The following RNF220 variants were observed in gnomAD, a reference collection of about 807,000 sequenced individuals.
The protein encoded by RNF220 is ring finger protein 220, also known as E3 ubiquitin-protein ligase RNF220.
In RNF220, 7 loss-of-function variants were observed where a neutral mutation model predicts 67.1. That is an observed-to-expected ratio of 0.10 (90% CI 0.06 to 0.20). RNF220 has a LOEUF of 0.20. RNF220 is among the 10% of genes least tolerant of loss of function. The pLI, the probability that RNF220 is intolerant of heterozygous loss-of-function variation, is 1.00. For synonymous variants in RNF220, 270 were observed against 283.2 expected, an observed-to-expected ratio of 0.95 and a Z score of 0.47; for missense variants, 565 against 740.3, an observed-to-expected ratio of 0.76 and a Z score of 2.75.
chr1:44,426,296 C>T lies in RNF220; in HGVS notation c.625+13574C>T, dbSNP rs149324089. Among the ~76,000 whole-genome samples, 1,459 of 152,222 alleles carry T rather than the reference C, an allele frequency of 9.6e-3. 10 individuals are homozygous for T. Among genetic ancestry groups the T allele is most frequent in the Middle Eastern group, 0.017 (5 of 294 alleles). ...TGCCCTAGAGATCTTTCCTAGGCTG[C>T]AAGAATAGCCATGCTTTATTGGCCA... On this transcript the variant is annotated intron_variant, in intron 2 of 14. Coordinates refer to ENST00000361799, the MANE Select transcript of RNF220 (RefSeq NM_018150.4).
intron 2 of RNF220, among the ~76,000 whole-genome samples, chr1:44,555,235 G>T (rs270769): frequency 0.99 from 151,072 of 152,196 alleles, 74,982 homozygotes; most frequent in Middle Eastern, 1. Flanking sequence ...GCCTAGCTAA[G>T]TTTTTGACAT....
Position 44,645,318 on chromosome 1 carries a change from T to C in RNF220, c.1366+42T>C. 1 of 1,612,536 alleles carries C rather than the reference T, an allele frequency of 6.2e-7. No individual in the cohort carries two copies. Among genetic ancestry groups the C allele is most frequent in the Non-Finnish European group, 8.5e-7 (1 of 1,179,326 alleles). On this transcript the variant is annotated intron_variant, in intron 11 of 14. Transcript: ENST00000361799. The surrounding 1 kb of genome is among the most constrained non-coding windows in gnomAD (Gnocchi z 5.0). Reference sequence around the variant, plus strand: ...GTTAGGAGTAATGGGGGAGAGGGGGTATCCCTAGATGGTGGTGACTGACTC... The same window carrying C: ...GTTAGGAGTAATGGGGGAGAGGGGGCATCCCTAGATGGTGGTGACTGACTC...
intron 2 of RNF220, among the ~76,000 whole-genome samples, chr1:44,453,286 TTCTTTTTCTTGTCTTATTGC>T (rs1652867499): frequency 6.6e-6 from 1 of 152,194 alleles, no homozygotes; most frequent in Non-Finnish European, 1.5e-5. Flanking sequence ...GTGATGGTCT[TTCTTTTTCTTGTCTTATTGC>T]ACTAGTTAGG....
At position 44,527,932 on chromosome 1, in the gene RNF220, A is replaced by C. The variant is rs926341364; in HGVS notation, c.626-86233A>C. Among the ~76,000 whole-genome samples the C allele has an allele frequency of 1.3e-3, 195 of 146,224 alleles. 4 individuals carry two copies. Among genetic ancestry groups the C allele is most frequent in the African/African-American group, 4.7e-3 (188 of 39,652 alleles). On this transcript the variant is annotated intron_variant, in intron 2 of 14. Coordinates refer to ENST00000361799, the MANE Select transcript of RNF220 (RefSeq NM_018150.4). ...CAGAGCAAGACTCCATCCCAAAAAAAAAAAAAAAAAAAAAAAAAAGTTAAA... is the reference window on the plus strand; with the variant it reads ...CAGAGCAAGACTCCATCCCAAAAAACAAAAAAAAAAAAAAAAAAAGTTAAA...
intron 2 of RNF220, among the ~76,000 whole-genome samples, chr1:44,481,034 G>A (rs1655756481): frequency 1.3e-5 from 2 of 152,166 alleles, no homozygotes; most frequent in South Asian, 4.1e-4. Context: ...GGAATGACAG[G>A]GCAAATTCAA....
At chr1:44,617,069 G>A (rs1240568088) in intron 3 of RNF220, among the ~76,000 whole-genome samples, 1 of 152,008 alleles carries the variant, frequency 6.6e-6, no homozygotes, top group Non-Finnish European at 1.5e-5. Flanking sequence ...TACCCCTCAC[G>A]TCGCGGCCCA....
chr1:44,420,023 C>A (rs180953882), intron 2 of RNF220, among the ~76,000 whole-genome samples: 2 of 152,300 alleles, frequency 1.3e-5, no homozygotes, highest in Non-Finnish European at 2.9e-5. Flanking sequence ...AAGTTTCCAC[C>A]TAGATCCTGG....
At chr1:44,503,435 G>A (rs993551267) in intron 2 of RNF220, among the ~76,000 whole-genome samples, 6 of 152,050 alleles carry the variant, frequency 3.9e-5, no homozygotes, top group Non-Finnish European at 5.9e-5. Context: ...CCAAATGCAG[G>A]CCAAGGGAAG....
At chr1:44,597,835 C>T (rs1287571170) in intron 2 of RNF220, among the ~76,000 whole-genome samples, 3 of 152,090 alleles carry the variant, frequency 2.0e-5, no homozygotes, top group South Asian at 2.1e-4. Flanking sequence ...CTCTTCCCGG[C>T]GCCCTTGTCT....
At chr1:44,434,550 T>TACA (rs1461665397) in intron 2 of RNF220, among the ~76,000 whole-genome samples, 2 of 151,680 alleles carry the variant, frequency 1.3e-5, no homozygotes, top group East Asian at 1.9e-4. Context: ...CTACTAAAAA[T>TACA]ACAACAACAA....
At position 44,583,432 on chromosome 1, in the gene RNF220, A is replaced by G. The variant is rs142138412; in HGVS notation, c.626-30733A>G. On this transcript the variant is annotated intron_variant, in intron 2 of 14. Coordinates refer to ENST00000361799, the MANE Select transcript of RNF220 (RefSeq NM_018150.4). ...TTAGCTTCATTTTCATAGCTGTTCAAACAGATACTAGAAATCTGTGCCCTC... is the reference window on the plus strand; with the variant it reads ...TTAGCTTCATTTTCATAGCTGTTCAGACAGATACTAGAAATCTGTGCCCTC... 2.7e-3 allele frequency among the ~76,000 whole-genome samples: 407 copies of G among 152,276 alleles called. 1 individual carries two copies. The highest frequency in any genetic ancestry group is 9.2e-3 in the African/African-American group (384 of 41,556).
intron 2 of RNF220, among the ~76,000 whole-genome samples, chr1:44,536,200 C>G (rs141363300): frequency 6.6e-6 from 1 of 152,162 alleles, no homozygotes; most frequent in Non-Finnish European, 1.5e-5. Flanking sequence ...TCCCAGAACA[C>G]TGAGTGGGTG....
In RNF220 at chr1:44,600,655, T is replaced by C. The variant is rs1271322242; in HGVS notation, c.626-13510T>C. 2.6e-5 allele frequency among the ~76,000 whole-genome samples: 4 copies of C among 152,086 alleles called. No homozygotes were observed. The highest frequency in any genetic ancestry group is 9.7e-5 in the African/African-American group (4 of 41,398). Reference sequence around the variant, plus strand: ...GGCCAACACGATGAAACTCCGTCTCTATTAAAAATACAAAAATTAGACAGA... The same window carrying C: ...GGCCAACACGATGAAACTCCGTCTCCATTAAAAATACAAAAATTAGACAGA... On this transcript the variant is annotated intron_variant, in intron 2 of 14. Coordinates refer to ENST00000361799, the MANE Select transcript of RNF220 (RefSeq NM_018150.4). The surrounding 1 kb of genome is among the most constrained non-coding windows in gnomAD (Gnocchi z 4.0).
chr1:44,502,552 T>C (rs1431833149), intron 2 of RNF220, among the ~76,000 whole-genome samples: 1 of 152,198 alleles, frequency 6.6e-6, no homozygotes, highest in Non-Finnish European at 1.5e-5. Context: ...TGTTAGACAT[T>C]GTGCCAGGCC....
chr1:44,486,536 A>G (rs370011043), intron 2 of RNF220, among the ~76,000 whole-genome samples: 7 of 152,336 alleles, frequency 4.6e-5, no homozygotes, highest in East Asian at 3.9e-4. Context: ...ACATTGATCT[A>G]TGGACCCAGG....
At chr1:44,428,999 TAAAGA>T (rs922740102) in intron 2 of RNF220, among the ~76,000 whole-genome samples, 1 of 129,712 alleles carries the variant, frequency 7.7e-6, no homozygotes, top group Non-Finnish European at 1.6e-5. Context: ...TGAAATTAAG[TAAAGA>T]ACTCTTCTTA....
chr1:44,508,786 G>A (rs1658679402), intron 2 of RNF220, among the ~76,000 whole-genome samples: 1 of 152,204 alleles, frequency 6.6e-6, no homozygotes, highest in Non-Finnish European at 1.5e-5. Context: ...CCCTCGTGGT[G>A]GAAAACTTCT....
chr1:44,448,072 A>G (rs10789449), intron 2 of RNF220, among the ~76,000 whole-genome samples: 107,897 of 152,092 alleles, frequency 0.71, 38,481 homozygotes, highest in East Asian at 0.81. Context: ...GCCAAGGTGG[A>G]CGGGTCACTT....
At chr1:44,563,740 A>G (rs1367685202) in intron 2 of RNF220, among the ~76,000 whole-genome samples, 1 of 152,106 alleles carries the variant, frequency 6.6e-6, no homozygotes, top group Non-Finnish European at 1.5e-5. Flanking sequence ...AGGTTGTTGT[A>G]CTCCTCGAAT....
Sources: gnomAD v4.1 joint callset for allele counts (sites outside exome capture counted in the v4.1 genomes callset) on GRCh38, gnomAD v4.1.1 for gene constraint, Gnocchi (gnomAD v3.1) non-coding constraint, MANE v1.5 for transcripts, NCBI Gene and HGNC (gene_info 2026-07-23, HGNC 2026-07-21) for gene names.